Variants in GRID2 observed in about 807,000 individuals in gnomAD.
GRID2 encodes the protein glutamate receptor ionotropic, delta-2.
Under a neutral mutation model 114.8 loss-of-function variants are expected in GRID2, and 33 were observed. The observed-to-expected ratio is 0.29, with a 90% CI of 0.22 to 0.38. GRID2 has a LOEUF of 0.38. GRID2 is among the 10% of genes least tolerant of loss of function. The pLI, the probability that GRID2 is intolerant of heterozygous loss-of-function variation, is 1.00. For synonymous variants in GRID2, 505 were observed against 449.9 expected, an observed-to-expected ratio of 1.12 and a Z score of -1.55; for missense variants, 1,184 against 1,257.7, an observed-to-expected ratio of 0.94 and a Z score of 0.89.
At chr4:93,637,863 A>G (rs544312490) in intron 14 of GRID2, among the ~76,000 whole-genome samples, 6 of 152,268 alleles carry the variant, frequency 3.9e-5, no homozygotes, top group African/African-American at 1.4e-4. Flanking sequence ...ATTGCCTCTT[A>G]TCTATCCCAT....
chr4:93,042,883 A>C (rs919001273), intron 2 of GRID2, among the ~76,000 whole-genome samples: 11 of 151,712 alleles, frequency 7.3e-5, no homozygotes, highest in Non-Finnish European at 1.5e-4. Context: ...TCTTGAAAAA[A>C]GAGCAGGCAG....
intron 8 of GRID2, among the ~76,000 whole-genome samples, chr4:93,244,745 G>A (rs1436535213): frequency 6.6e-6 from 1 of 150,940 alleles, no homozygotes; most frequent in Non-Finnish European, 1.5e-5. Context: ...TACTTATAAG[G>A]AGGAGAGAAC....
intron 1 of GRID2, among the ~76,000 whole-genome samples, chr4:92,514,340 T>C (rs1724402093): frequency 6.6e-6 from 1 of 151,904 alleles, no homozygotes. Context: ...ACTTGAGATA[T>C]ATGAAAGTTT....
chr4:92,470,025 A>G (rs1041590898), intron 1 of GRID2, among the ~76,000 whole-genome samples: 2 of 151,940 alleles, frequency 1.3e-5, no homozygotes, highest in Non-Finnish European at 2.9e-5. Context: ...TTTGTATTAT[A>G]TAACAAACCC....
intron 4 of GRID2, among the ~76,000 whole-genome samples, chr4:93,163,415 A>G (rs992712934): frequency 3.0e-5 from 4 of 131,462 alleles, no homozygotes; most frequent in Non-Finnish European, 6.2e-5. Flanking sequence ...ATATATATAC[A>G]TACATGTATA....
chr4:93,710,938 T>C (rs1728426935), intron 14 of GRID2, among the ~76,000 whole-genome samples: 1 of 151,378 alleles, frequency 6.6e-6, no homozygotes, highest in Non-Finnish European at 1.5e-5. Flanking sequence ...TTCAGTCAGC[T>C]GGTGTTGAAT....
intron 2 of GRID2, among the ~76,000 whole-genome samples, chr4:92,673,189 T>G (rs1042808279): frequency 8.5e-5 from 13 of 152,126 alleles, no homozygotes; most frequent in African/African-American, 3.1e-4. Flanking sequence ...TTTATATATA[T>G]ATATTTGATG....
At chr4:93,373,725 A>C (rs1329220390) in intron 8 of GRID2, among the ~76,000 whole-genome samples, 1 of 152,204 alleles carries the variant, frequency 6.6e-6, no homozygotes, top group Admixed American at 6.5e-5. Flanking sequence ...GTGATTAATT[A>C]ACTTCTCTCC....
chr4:93,456,122 A>G, intron 11 of GRID2, 148 bp downstream of exon 11: 1 of 605,304 alleles, frequency 1.7e-6, no homozygotes, highest in East Asian at 2.7e-5. Flanking sequence ...AACATTTGCT[A>G]CTTCCTCCTA....
chr4:93,402,689 T>C (rs1766014243), intron 9 of GRID2, among the ~76,000 whole-genome samples: 1 of 151,868 alleles, frequency 6.6e-6, no homozygotes, highest in South Asian at 2.1e-4. Flanking sequence ...AGAGGAAAAA[T>C]GCACAAAAAA....
At chr4:93,120,348 A>G (rs947855112) in intron 4 of GRID2, among the ~76,000 whole-genome samples, 8 of 152,298 alleles carry the variant, frequency 5.3e-5, no homozygotes, top group African/African-American at 1.9e-4. Context: ...ACCAACCCAC[A>G]TGCCCATCAA....
In GRID2 at chr4:93,273,066, T is replaced by C. The variant is rs189750829; in HGVS notation, c.1245+34576T>C. Among the ~76,000 whole-genome samples, 60 of 152,352 alleles carry C rather than the reference T, an allele frequency of 3.9e-4. 1 individual carries two copies. Among genetic ancestry groups the C allele is most frequent in the Middle Eastern group, 3.4e-3 (1 of 294 alleles). On this transcript the variant is annotated intron_variant, in intron 8 of 15. Transcript: ENST00000282020. Reference sequence around the variant, plus strand: ...AGATTTCTCTATCACTGAATGCTATTTATTTTCTTTATAGCACTCATTATA... The same window carrying C: ...AGATTTCTCTATCACTGAATGCTATCTATTTTCTTTATAGCACTCATTATA...
chr4:92,694,978 G>GT (rs141202756), intron 2 of GRID2, among the ~76,000 whole-genome samples: 10,717 of 151,930 alleles, frequency 0.071, 430 homozygotes, highest in East Asian at 0.088. Context: ...ATTTTGTTTT[G>GT]TTTTTTGGGA....
intron 2 of GRID2, among the ~76,000 whole-genome samples, chr4:92,773,659 T>G (rs1327148558): frequency 1.3e-5 from 2 of 152,028 alleles, no homozygotes; most frequent in African/African-American, 4.8e-5. Context: ...ATTTAACTAT[T>G]CCCATACAGT....
intron 1 of GRID2, among the ~76,000 whole-genome samples, chr4:92,409,703 A>G (rs1731205443): frequency 6.6e-6 from 1 of 152,212 alleles, no homozygotes; most frequent in Non-Finnish European, 1.5e-5. Flanking sequence ...CCTGGGTTAT[A>G]AAATAAATAT....
At chr4:93,607,503 A>C (rs528657463) in intron 13 of GRID2, among the ~76,000 whole-genome samples, 46 of 152,244 alleles carry the variant, frequency 3.0e-4, no homozygotes, top group Non-Finnish European at 5.6e-4. Flanking sequence ...TGATGCACTG[A>C]GTATTCTTGT....
Position 92,304,585 on chromosome 4 carries a change from A to C in GRID2, c.-72A>C, listed in dbSNP as rs1291302197. ...GCGCTAAACTCCACCGTGACCTCAA[A>C]CTCTTTGGACTGTTTGAAAAAAAAA... On this transcript the variant is annotated 5_prime_UTR_variant, in exon 1 of 16. Transcript: ENST00000282020. 1.0e-6 allele frequency: 1 copy of C among 997,142 alleles called. No individual in the cohort carries two copies. The allele number at this position is 997,142 out of a possible 1,614,324, so 61.8% of individuals were successfully genotyped here. A position where few individuals can be genotyped will look rare whatever the true frequency, so the allele number is the denominator to read the frequency against.
At chr4:93,594,795 G>T (rs1192235080) in intron 13 of GRID2, among the ~76,000 whole-genome samples, 3 of 151,674 alleles carry the variant, frequency 2.0e-5, no homozygotes, top group African/African-American at 7.3e-5. Context: ...CGCAGTATTC[G>T]GGTGGGAGTG....
At chr4:92,543,414 T>C (rs1406553759) in intron 1 of GRID2, among the ~76,000 whole-genome samples, 1 of 152,186 alleles carries the variant, frequency 6.6e-6, no homozygotes, top group Non-Finnish European at 1.5e-5. Flanking sequence ...ATAAAAATTT[T>C]ATAGCAAAAA....
Sources: allele counts gnomAD v4.1 joint callset (sites outside exome capture counted in the v4.1 genomes callset), GRCh38; gene constraint gnomAD v4.1.1; transcripts MANE v1.5; gene names NCBI Gene and HGNC (gene_info 2026-07-23, HGNC 2026-07-21).